CNTN6: variants seen among roughly 807,000 people sequenced by gnomAD.
CNTN6 encodes the protein contactin-6.
CNTN6 carries 137 observed loss-of-function variants against 122.8 expected under a neutral mutation model. The ratio of observed to expected loss-of-function variants is 1.12; its 90% CI spans 0.97 to 1.29. The LOEUF (loss-of-function observed/expected upper bound fraction) is 1.29. Ranked by LOEUF, CNTN6 falls within the 50% of genes most tolerant of loss-of-function variation. CNTN6 has a pLI of 0.00. For synonymous variants in CNTN6, 570 were observed against 426.0 expected (o/e 1.34, Z -4.16); for missense variants, 1,634 against 1,223.4 (o/e 1.34, Z -5.01).
At chr3:1,215,968 C>A (rs73002304) in intron 2 of CNTN6, among the ~76,000 whole-genome samples, 10,533 of 152,052 alleles carry the variant, frequency 0.069, 452 homozygotes, top group Non-Finnish European at 0.1. Context: ...TTCTCTCTAT[C>A]CTAAGATTTC....
intron 11 of CNTN6, among the ~76,000 whole-genome samples, chr3:1,333,850 T>G (rs1178501768): frequency 6.6e-6 from 1 of 152,150 alleles, no homozygotes; most frequent in Non-Finnish European, 1.5e-5. Context: ...TGGTGCCAAG[T>G]CTTCCATCTC....
intron 4 of CNTN6, among the ~76,000 whole-genome samples, chr3:1,239,408 C>T (rs1169463525): frequency 6.6e-6 from 1 of 151,104 alleles, no homozygotes; most frequent in East Asian, 2.0e-4. Flanking sequence ...AAGAACTCCA[C>T]CCCTTTCACA....
At chr3:1,318,207 T>C (rs1700379320) in intron 7 of CNTN6, among the ~76,000 whole-genome samples, 1 of 151,802 alleles carries the variant, frequency 6.6e-6, no homozygotes, top group Non-Finnish European at 1.5e-5. Flanking sequence ...CTCATGTCTC[T>C]TGCGTTTCTT....
At chr3:1,115,638 A>G (rs1264811647) in intron 1 of CNTN6, among the ~76,000 whole-genome samples, 12 of 152,048 alleles carry the variant, frequency 7.9e-5, no homozygotes, top group Admixed American at 7.2e-4. Flanking sequence ...TGTAATCCCA[A>G]CTACTCAGGA....
chr3:1,189,002 C>T (rs3772355), intron 2 of CNTN6, among the ~76,000 whole-genome samples: 14,861 of 152,088 alleles, frequency 0.098, 979 homozygotes, highest in East Asian at 0.23. Flanking sequence ...CAGATGTCCA[C>T]AGGTGATGTG....
chr3:1,390,351 T>C (rs1261313440), intron 20 of CNTN6, among the ~76,000 whole-genome samples: 1 of 151,920 alleles, frequency 6.6e-6, no homozygotes, highest in Non-Finnish European at 1.5e-5. Context: ...AAAGATGTTC[T>C]TTGAAACCAA....
chr3:1,215,584 C>A (rs1359493278), intron 2 of CNTN6, among the ~76,000 whole-genome samples: 1 of 151,984 alleles, frequency 6.6e-6, no homozygotes, highest in Non-Finnish European at 1.5e-5. Flanking sequence ...AAAACTCATG[C>A]TCTTATTCTA....
chr3:1,281,175 C>T (rs9871786), intron 5 of CNTN6, among the ~76,000 whole-genome samples: 15 of 152,208 alleles, frequency 9.9e-5, no homozygotes, highest in South Asian at 8.3e-4. Flanking sequence ...TACAAGGGCA[C>T]GGGTCGTTGA....
At chr3:1,309,155 A>AT (rs34800719) in intron 7 of CNTN6, among the ~76,000 whole-genome samples, 12 of 151,890 alleles carry the variant, frequency 7.9e-5, no homozygotes, top group South Asian at 6.2e-4. Context: ...CAGGTTATCA[A>AT]TTTTTTTTCC....
At chr3:1,217,053 A>C (rs145966483) in intron 2 of CNTN6, among the ~76,000 whole-genome samples, 147 of 152,316 alleles carry the variant, frequency 9.7e-4, no homozygotes, top group Middle Eastern at 3.4e-3. Flanking sequence ...CATATTTTAT[A>C]AACAATATAT....
In CNTN6 at chr3:1,383,537, G is replaced by T. The variant is rs181604531; in HGVS notation, c.2517+129G>T. On this transcript the variant is annotated intron_variant, in intron 19 of 22. Coordinates refer to ENST00000446702, the MANE Select transcript of CNTN6 (RefSeq NM_001289080.2). The stretch of plus-strand genomic sequence containing the variant: ...AATGTGTGTCTAAAGCTAAAGCAGA[G>T]AATGAAGTTGAGACAGGGTAGGTGA... 7.5e-5 allele frequency: 52 copies of T among 693,880 alleles called. No individual in the cohort carries two copies. The African/African-American group carries it at 8.2e-4, about 11-fold the overall frequency. 43.0% of individuals were successfully genotyped at this position (693,880 alleles called of 1,614,324 possible). A position where few individuals can be genotyped will look rare whatever the true frequency, so the allele number is the denominator to read the frequency against.
chr3:1,249,548 A>G (rs956446567), intron 4 of CNTN6, among the ~76,000 whole-genome samples: 3 of 152,208 alleles, frequency 2.0e-5, no homozygotes, highest in African/African-American at 7.2e-5. Flanking sequence ...GTTTCTACTC[A>G]TGACAGAAAA....
rs181736533 is a variant in CNTN6 at position 1,136,803 on chromosome 3, G to A, written c.-82-11124G>A. ...TGGACTCAGGATTCTGATGATACTG[G>A]TCAAATGAGGGATTTTTCTGCCACT... On this transcript the variant is annotated intron_variant, in intron 1 of 22. Coordinates refer to ENST00000446702, the MANE Select transcript of CNTN6 (RefSeq NM_001289080.2). Among the ~76,000 whole-genome samples, 107 of 152,246 alleles carry A rather than the reference G, an allele frequency of 7.0e-4. No homozygotes were observed. In the East Asian group the frequency reaches 0.018, roughly 25 times the overall value.
chr3:1,175,248 A>G (rs1002103869), intron 2 of CNTN6, among the ~76,000 whole-genome samples: 2 of 149,908 alleles, frequency 1.3e-5, no homozygotes, highest in African/African-American at 4.9e-5. Flanking sequence ...AAAAAAAGAC[A>G]TATCTTTAAG....
intron 8 of CNTN6, 64 bp from the exon 9 acceptor site, chr3:1,325,751 A>G (rs1701444773): frequency 2.6e-6 from 4 of 1,558,896 alleles, no homozygotes; most frequent in Non-Finnish European, 2.6e-6. Flanking sequence ...AGCCCTTGTA[A>G]TGTAGCATAA....
At chr3:1,118,119 T>C (rs564707062) in intron 1 of CNTN6, among the ~76,000 whole-genome samples, 1 of 152,300 alleles carries the variant, frequency 6.6e-6, no homozygotes, top group South Asian at 2.1e-4. Context: ...TAAGGCTAAA[T>C]ATGTAACTCT....
chr3:1,287,397 T>G (rs1032114480), intron 5 of CNTN6, among the ~76,000 whole-genome samples: 2 of 152,194 alleles, frequency 1.3e-5, no homozygotes, highest in Admixed American at 6.5e-5. Context: ...CTATCCTTAG[T>G]TGAAAACCAC....
chr3:1,327,011 C>T (rs1028807039), intron 9 of CNTN6, among the ~76,000 whole-genome samples: 5 of 151,886 alleles, frequency 3.3e-5, no homozygotes, highest in Admixed American at 6.6e-5. Context: ...GCTACTCCAA[C>T]TCAAGACTCA....
At chr3:1,342,038 C>G (rs370627337) in intron 11 of CNTN6, among the ~76,000 whole-genome samples, 3 of 152,074 alleles carry the variant, frequency 2.0e-5, no homozygotes, top group African/African-American at 4.8e-5. Context: ...ATATCCTTAG[C>G]TATTTAATAG....
Sources: allele counts gnomAD v4.1 joint callset (sites outside exome capture counted in the v4.1 genomes callset), GRCh38; gene constraint gnomAD v4.1.1; transcripts MANE v1.5; gene names NCBI Gene and HGNC (gene_info 2026-07-23, HGNC 2026-07-21).